Variants in SNX8 observed in about 807,000 individuals in gnomAD.
SNX8 encodes sorting nexin 8.
Under a neutral mutation model 51.6 loss-of-function variants are expected in SNX8, and 25 were observed. The observed-to-expected ratio is 0.48, with a 90% CI of 0.35 to 0.68. The LOEUF (loss-of-function observed/expected upper bound fraction) is 0.68, where lower values mean the gene tolerates loss of function less well. Among genes scored for constraint, SNX8 ranks in the 30% least tolerant of loss-of-function variants. The pLI is 0.00. For synonymous variants in SNX8, 324 were observed against 277.0 expected (o/e 1.17, Z -1.68); for missense variants, 695 against 624.0 (o/e 1.11, Z -1.21).
intron 1 of SNX8, among the ~76,000 whole-genome samples, chr7:2,307,404 G>C (rs896960062): frequency 7.0e-6 from 1 of 143,208 alleles, no homozygotes; most frequent in African/African-American, 3.0e-5. Context: ...AAGCCAAGGC[G>C]GGGGGATCAC....
At chr7:2,327,880 C>T (rs567794850) in intron 1 of SNX8, among the ~76,000 whole-genome samples, 91 of 150,170 alleles carry the variant, frequency 6.1e-4, no homozygotes, top group African/African-American at 1.5e-3. Flanking sequence ...TTTTTCTTTT[C>T]GAAACAAGGT....
intron 1 of SNX8, among the ~76,000 whole-genome samples, chr7:2,304,357 A>G (rs566731588): frequency 6.4e-4 from 97 of 151,232 alleles, no homozygotes; most frequent in African/African-American, 2.2e-3. Flanking sequence ...ATCCTGGCTA[A>G]CAGGGTGAAA....
intron 1 of SNX8, among the ~76,000 whole-genome samples, chr7:2,348,541 C>G (rs527378468): frequency 2.6e-5 from 4 of 151,772 alleles, no homozygotes; most frequent in African/African-American, 9.6e-5. Context: ...TGGGGTTTCA[C>G]CGTGTTAGCC....
chr7:2,268,087 GGCCAGCCGCCCCGTCCGGGAGGGAGGT>G, intron 5 of SNX8, among the ~76,000 whole-genome samples: 1 of 142,510 alleles, frequency 7.0e-6, no homozygotes, highest in African/African-American at 2.7e-5. Context: ...CCCACCACCT[GGCCAGCCGCCCCGTCCGGGAGGGAGGT>G]GGGGGGGTCA....
intron 1 of SNX8, among the ~76,000 whole-genome samples, chr7:2,340,261 G>A (rs879808495): frequency 6.7e-6 from 1 of 149,600 alleles, no homozygotes; most frequent in African/African-American, 2.5e-5. Flanking sequence ...TATTATAGAT[G>A]GGGTTTCTCC....
chr7:2,276,504 G>A (rs921622090), intron 2 of SNX8, among the ~76,000 whole-genome samples: 7 of 152,178 alleles, frequency 4.6e-5, no homozygotes, highest in Admixed American at 3.9e-4. Context: ...AGGGGAGACC[G>A]GCTCGCTTGT....
chr7:2,264,133 C>T (rs1795404751), intron 6 of SNX8, among the ~76,000 whole-genome samples, 165 bp downstream of exon 6: 1 of 152,142 alleles, frequency 6.6e-6, no homozygotes, highest in Non-Finnish European at 1.5e-5. Context: ...CGTGTTTCTT[C>T]CAAATATGAC....
intron 1 of SNX8, among the ~76,000 whole-genome samples, chr7:2,335,743 C>T (rs1372819997): frequency 7.9e-6 from 1 of 126,940 alleles, no homozygotes; most frequent in Non-Finnish European, 1.6e-5. Context: ...GCGGAGCTTG[C>T]GGTGAGCCGA....
intron 1 of SNX8, among the ~76,000 whole-genome samples, chr7:2,284,083 C>T (rs1007818179): frequency 2.0e-5 from 3 of 152,188 alleles, no homozygotes; most frequent in Admixed American, 1.3e-4. Context: ...GCACCCGCCA[C>T]CACGCCCGGC....
At chr7:2,271,789 G>C (rs954521639) in intron 4 of SNX8, 61 bp downstream of exon 4, 100 of 1,541,058 alleles carry the variant, frequency 6.5e-5, no homozygotes, top group Non-Finnish European at 8.3e-5. Context: ...AGAGGAAAAG[G>C]CGGGTCCGGA....
At chr7:2,327,445 T>C (rs1778642537) in intron 1 of SNX8, among the ~76,000 whole-genome samples, 2 of 152,028 alleles carry the variant, frequency 1.3e-5, no homozygotes, top group Admixed American at 1.3e-4. Context: ...TCTCGCTCTG[T>C]CGCCCAGGCT....
At chr7:2,340,507 ACT>A (rs1778901208) in intron 1 of SNX8, among the ~76,000 whole-genome samples, 2 of 150,680 alleles carry the variant, frequency 1.3e-5, no homozygotes, top group South Asian at 2.1e-4. Flanking sequence ...ATTCTAGGAC[ACT>A]CTATATTTTT....
At chr7:2,349,289 A>G (rs1779095383) in intron 1 of SNX8, among the ~76,000 whole-genome samples, 1 of 152,110 alleles carries the variant, frequency 6.6e-6, no homozygotes, top group Non-Finnish European at 1.5e-5. Context: ...TAACCACGTT[A>G]AAGCATATGG....
intron 5 of SNX8, among the ~76,000 whole-genome samples, chr7:2,267,997 G>A (rs1227639993): frequency 2.7e-5 from 4 of 147,592 alleles, no homozygotes; most frequent in Middle Eastern, 3.5e-3. Flanking sequence ...GCCTCTGCCC[G>A]GCCGAGACCC....
intron 1 of SNX8, among the ~76,000 whole-genome samples, chr7:2,323,548 C>T (rs755864003): frequency 5.9e-5 from 9 of 152,074 alleles, no homozygotes; most frequent in Admixed American, 2.0e-4. Flanking sequence ...GAGCGGCCAC[C>T]ATCCTGCATT....
intron 1 of SNX8, among the ~76,000 whole-genome samples, chr7:2,338,024 T>C (rs1023412305): frequency 7.9e-5 from 12 of 151,992 alleles, no homozygotes. Flanking sequence ...ATACAAACAG[T>C]GTAATAAAGA....
Position 2,314,340 on chromosome 7 carries a change from G to A in SNX8, c.82C>T (p.Pro28Ser), listed in dbSNP as rs1376254898. 3.3e-6 allele frequency: 4 copies of A among 1,223,448 alleles called. No individual in the cohort carries two copies. The highest frequency in any genetic ancestry group is 4.1e-5 in the South Asian group (1 of 24,508). The allele number at this position is 1,223,448 out of a possible 1,614,324, so 75.8% of individuals were successfully genotyped here. The part of the protein sequence containing the change: ...AEAEADEEAD[P>S]PASDLPTPQA... Reference sequence around the variant, plus strand: ...CCCCACGCCCTACCTGACGCCGGGGGATCCGCCTCCTCGTCAGCCTCCGCC... The same window carrying A: ...CCCCACGCCCTACCTGACGCCGGGGAATCCGCCTCCTCGTCAGCCTCCGCC... The change falls in exon 1 of 11, where the codon CCC (proline) becomes TCC (serine). Residue 28 changes from proline (P) to serine (S), a missense_variant. Pro to Ser is a moderately conservative substitution (Grantham distance 74). Coordinates refer to ENST00000222990, the MANE Select transcript of SNX8 (RefSeq NM_013321.4).
chr7:2,255,319 C>G (rs1466625740), intron 10 of SNX8, 150 bp from the exon 11 acceptor site: 1 of 594,772 alleles, frequency 1.7e-6, no homozygotes, highest in Non-Finnish European at 3.0e-6. Flanking sequence ...CCAGTGCTGC[C>G]CATCCTGCAC....
At chr7:2,341,086 C>G (rs1309235504) in intron 1 of SNX8, among the ~76,000 whole-genome samples, 1 of 150,072 alleles carries the variant, frequency 6.7e-6, no homozygotes, top group East Asian at 2.0e-4. Context: ...GGGAGGATCA[C>G]TGGAGCCCAA....
Sources: gnomAD v4.1 joint callset for allele counts (sites outside exome capture counted in the v4.1 genomes callset) on GRCh38, gnomAD v4.1.1 for gene constraint, MANE v1.5 for transcripts, NCBI Gene and HGNC (gene_info 2026-07-23, HGNC 2026-07-21) for gene names.